Variants in USH2A observed in about 807,000 individuals in gnomAD.
USH2A encodes usherin, also known as Usher syndrome 2A (autosomal recessive, mild).
In USH2A, 443 loss-of-function variants were observed where a neutral mutation model predicts 538.9. The ratio of observed to expected loss-of-function variants is 0.82; its 90% CI spans 0.76 to 0.89. The LOEUF (loss-of-function observed/expected upper bound fraction) is 0.89. USH2A is among the 40% of genes least tolerant of loss of function. USH2A has a pLI of 0.00. For missense variants in USH2A, 6,633 were observed against 6,324.8 expected (o/e 1.05, Z -1.65); for synonymous variants, 2,413 against 2,273.5 (o/e 1.06, Z -1.75).
At chr1:216,332,447 C>T (rs1484190383) in intron 4 of USH2A, among the ~76,000 whole-genome samples, 3 of 151,998 alleles carry the variant, frequency 2.0e-5, no homozygotes, top group Non-Finnish European at 4.4e-5. Context: ...TTAAAAAATG[C>T]CTGCGAATCT....
At chr1:216,270,908 C>A (rs151333695) in intron 11 of USH2A, among the ~76,000 whole-genome samples, 2 of 151,878 alleles carry the variant, frequency 1.3e-5, no homozygotes, top group African/African-American at 2.4e-5. Context: ...AATAATCCTA[C>A]GGTAAGGTGG....
At chr1:215,883,639 T>G (rs1664975679) in intron 41 of USH2A, among the ~76,000 whole-genome samples, 1 of 152,168 alleles carries the variant, frequency 6.6e-6, no homozygotes, top group Non-Finnish European at 1.5e-5. Context: ...TATCATTTTT[T>G]AAAGCAAACC....
Position 216,338,821 on chromosome 1 carries a change from GA to G in USH2A, c.785-11168del, listed in dbSNP as rs1196508652. Among the ~76,000 whole-genome samples the G allele has an allele frequency of 2.0e-5, 3 of 151,396 alleles. No individual in the cohort carries two copies. The East Asian group carries it at 5.8e-4, about 29-fold the overall frequency. ...TTACTAAAGAAATTAAAATTAAAAC[GA>G]AAATAAGGGAGTATTTTATACTCAT... On this transcript the variant is annotated intron_variant, in intron 4 of 71. Transcript: ENST00000307340.
chr1:215,754,516 A>T (rs1046609199), intron 58 of USH2A, among the ~76,000 whole-genome samples: 12 of 152,176 alleles, frequency 7.9e-5, no homozygotes, highest in Non-Finnish European at 1.3e-4. Flanking sequence ...CCACAAAAAA[A>T]AAAATGCATA....
chr1:216,348,794 T>G (rs141024396), intron 4 of USH2A, among the ~76,000 whole-genome samples: 1 of 151,740 alleles, frequency 6.6e-6, no homozygotes, highest in Non-Finnish European at 1.5e-5. Flanking sequence ...GTGTTTAAGG[T>G]TTTTTTTCTG....
At chr1:215,671,615 G>C (rs1228086099) in intron 63 of USH2A, among the ~76,000 whole-genome samples, 1 of 152,118 alleles carries the variant, frequency 6.6e-6, no homozygotes, top group Non-Finnish European at 1.5e-5. Flanking sequence ...GTTCGAAAGG[G>C]GTGAGTGCAA....
At chr1:216,289,166 C>G in intron 11 of USH2A, 114 bp downstream of exon 11, 1 of 1,480,186 alleles carries the variant, frequency 6.8e-7, no homozygotes, top group Non-Finnish European at 9.4e-7. Context: ...AATGCAAATG[C>G]ACATAGAGGA....
intron 21 of USH2A, among the ~76,000 whole-genome samples, chr1:216,148,206 C>T (rs2033753236): frequency 2.0e-5 from 3 of 151,734 alleles, no homozygotes; most frequent in Admixed American, 1.3e-4. Context: ...GATGGCCAGG[C>T]TTCTAAACCT....
intron 36 of USH2A, among the ~76,000 whole-genome samples, chr1:215,970,332 A>G (rs2102458088): frequency 1.3e-5 from 2 of 152,312 alleles, no homozygotes; most frequent in South Asian, 4.2e-4. Flanking sequence ...TCTGCCTTCA[A>G]TATGTCACTA....
chr1:215,889,266 C>T (rs1665147822), intron 40 of USH2A, among the ~76,000 whole-genome samples: 1 of 152,166 alleles, frequency 6.6e-6, no homozygotes. Flanking sequence ...TATTATGAAA[C>T]TAAAATGATC....
chr1:216,400,216 T>TTTTA (rs1051743572), intron 3 of USH2A, among the ~76,000 whole-genome samples: 1 of 147,228 alleles, frequency 6.8e-6, no homozygotes, highest in African/African-American at 2.5e-5. Flanking sequence ...GAAATAGAAG[T>TTTTA]TATATATATA....
chr1:216,356,886 A>T (rs2038400413), intron 4 of USH2A, among the ~76,000 whole-genome samples: 1 of 152,144 alleles, frequency 6.6e-6, no homozygotes. Context: ...ATAGTTTGCC[A>T]GGTTACCCCA....
intron 14 of USH2A, among the ~76,000 whole-genome samples, chr1:216,224,519 C>T (rs573438821): frequency 1.3e-5 from 2 of 152,208 alleles, no homozygotes; most frequent in East Asian, 3.9e-4. Flanking sequence ...TACATGCCCC[C>T]TTTTTCTGGT....
chr1:216,002,915 C>G (rs944910565), intron 32 of USH2A, among the ~76,000 whole-genome samples: 16 of 152,106 alleles, frequency 1.1e-4, no homozygotes, highest in African/African-American at 2.9e-4. Context: ...ATCGCAGTGT[C>G]TGCTTATCAC....
At chr1:215,980,601 A>G (rs1448556473) in intron 35 of USH2A, among the ~76,000 whole-genome samples, 1 of 152,130 alleles carries the variant, frequency 6.6e-6, no homozygotes, top group East Asian at 1.9e-4. Context: ...TCACAGATAA[A>G]TATGAGGACT....
At chr1:216,388,463 T>TA (rs2039044738) in intron 3 of USH2A, among the ~76,000 whole-genome samples, 1 of 152,182 alleles carries the variant, frequency 6.6e-6, no homozygotes, top group Non-Finnish European at 1.5e-5. Context: ...TAGGTTTTTT[T>TA]AAAGAAAAAT....
intron 41 of USH2A, among the ~76,000 whole-genome samples, chr1:215,887,756 G>A (rs1251921273): frequency 1.3e-5 from 2 of 152,106 alleles, no homozygotes; most frequent in African/African-American, 4.8e-5. Flanking sequence ...TTTGTGCTCC[G>A]GTGAGCAAGC....
chr1:216,061,369 T>C (rs2031175413), intron 30 of USH2A, among the ~76,000 whole-genome samples: 1 of 152,248 alleles, frequency 6.6e-6, no homozygotes, highest in Non-Finnish European at 1.5e-5. Flanking sequence ...ATGATATTCC[T>C]TTGCTAGTAT....
intron 21 of USH2A, among the ~76,000 whole-genome samples, chr1:216,165,882 AT>A (rs1292999223): frequency 1.4e-5 from 2 of 146,696 alleles, no homozygotes; most frequent in South Asian, 2.2e-4. Context: ...TTTAGTGTTG[AT>A]TTCTGAGATT....
Sources: allele counts gnomAD v4.1 joint callset (sites outside exome capture counted in the v4.1 genomes callset), GRCh38; gene constraint gnomAD v4.1.1; transcripts MANE v1.5; gene names NCBI Gene and HGNC (gene_info 2026-07-23, HGNC 2026-07-21).